The following GLMN variants were observed in gnomAD, a reference collection of about 807,000 sequenced individuals.
GLMN encodes the protein glomulin, FKBP associated protein.
Under a neutral mutation model 87.8 loss-of-function variants are expected in GLMN, and 75 were observed. The ratio of observed to expected loss-of-function variants is 0.85; its 90% CI spans 0.71 to 1.04. The LOEUF (loss-of-function observed/expected upper bound fraction) is 1.04. Ranked by LOEUF, GLMN falls within the 50% of genes least tolerant of loss-of-function variation. The probability of loss-of-function intolerance (pLI) is 0.00; values close to 1 mark genes in which losing one functional copy is unlikely to be tolerated. For missense variants in GLMN, 588 were observed against 658.8 expected, an observed-to-expected ratio of 0.89 and a Z score of 1.18; for synonymous variants, 206 against 221.6, an observed-to-expected ratio of 0.93 and a Z score of 0.63.
the GLMN span, among the ~76,000 whole-genome samples, chr1:92,357,311 C>T: frequency 6.6e-6 from 1 of 151,972 alleles, no homozygotes; most frequent in Non-Finnish European, 1.5e-5. Context: ...AAGAAAAAGG[C>T]ACAAAATATT....
At chr1:92,357,637 T>G in the GLMN span, among the ~76,000 whole-genome samples, 1 of 152,206 alleles carries the variant, frequency 6.6e-6, no homozygotes, top group African/African-American at 2.4e-5. Flanking sequence ...GTTCAAGTGA[T>G]TCTTGTGCCT....
chr1:92,310,686 C>T, the GLMN span, among the ~76,000 whole-genome samples: 1 of 152,100 alleles, frequency 6.6e-6, no homozygotes, highest in Non-Finnish European at 1.5e-5. Flanking sequence ...CACCTGAGGT[C>T]AGGAGTTCAA....
chr1:92,300,132 G>T, upstream of GLMN: 1 of 1,137,460 alleles, frequency 8.8e-7, no homozygotes, highest in Non-Finnish European at 1.3e-6. Flanking sequence ...ACCGCTGTCT[G>T]TATGCTGTCC....
At chr1:92,251,075 T>C (rs1313455727) in intron 16 of GLMN, among the ~76,000 whole-genome samples, 1 of 152,202 alleles carries the variant, frequency 6.6e-6, no homozygotes, top group Non-Finnish European at 1.5e-5. Flanking sequence ...ATTAAAACTC[T>C]TTGTGGCAGA....
At chr1:92,367,252 C>T in the GLMN span, among the ~76,000 whole-genome samples, 1 of 152,318 alleles carries the variant, frequency 6.6e-6, no homozygotes, top group South Asian at 2.1e-4. Flanking sequence ...ACCGTATAGC[C>T]TCCTAAAATA....
the GLMN span, among the ~76,000 whole-genome samples, chr1:92,317,864 C>A: frequency 2.0e-5 from 3 of 152,156 alleles, no homozygotes; most frequent in Admixed American, 6.5e-5. Flanking sequence ...TCATAATTTA[C>A]AGTAATGTTT....
the GLMN span, among the ~76,000 whole-genome samples, chr1:92,348,331 C>G: frequency 2.6e-5 from 4 of 152,380 alleles, no homozygotes; most frequent in Middle Eastern, 0.014. Flanking sequence ...AACTGGACAA[C>G]TAAAATCTTC....
the GLMN span, among the ~76,000 whole-genome samples, chr1:92,349,847 C>T: frequency 1.7e-3 from 266 of 152,232 alleles, 3 homozygotes; most frequent in African/African-American, 5.8e-3. Context: ...AGGATCTCTT[C>T]AGCCCAGGAG....
At position 92,259,780 on chromosome 1, in the gene GLMN, T is replaced by G. The variant is rs1462116395; in HGVS notation, c.1473+3083A>C. Among the ~76,000 whole-genome samples, 163 of 140,184 alleles carry G rather than the reference T, an allele frequency of 1.2e-3. 1 individual carries two copies. The highest frequency in any genetic ancestry group is 4.2e-3 in the African/African-American group (159 of 38,186). The allele number at this position is 140,184 out of a possible 152,430, so 92.0% of individuals were successfully genotyped here. A position where few individuals can be genotyped will look rare whatever the true frequency, so the allele number is the denominator to read the frequency against. On this transcript the variant is annotated intron_variant, in intron 16 of 18. Transcript: ENST00000370360. ...GACAGACTCTTGCTCTGTCACCCAG[T>G]GGGGAGTGCAGTGGCATGATCTCGG... is the stretch of plus-strand genomic sequence containing the variant.
At chr1:92,262,812 C>A (rs1655196724) in intron 16 of GLMN, 51 bp downstream of exon 16, 2 of 791,014 alleles carry the variant, frequency 2.5e-6, no homozygotes, top group South Asian at 1.4e-5. Flanking sequence ...CTGAAACATT[C>A]CTTATGCCTT....
intron 7 of GLMN, among the ~76,000 whole-genome samples, chr1:92,276,323 T>C (rs1014224521): frequency 9.9e-5 from 15 of 152,044 alleles, no homozygotes; most frequent in Non-Finnish European, 2.9e-5. Flanking sequence ...AAACCTATTC[T>C]CTCTCTGGTT....
At chr1:92,335,396 A>G in the GLMN span, among the ~76,000 whole-genome samples, 10 of 152,230 alleles carry the variant, frequency 6.6e-5, no homozygotes, top group African/African-American at 2.4e-4. Context: ...GAAGCTTAAA[A>G]AAATAAAGTA....
chr1:92,351,043 G>A, the GLMN span, among the ~76,000 whole-genome samples: 1 of 152,090 alleles, frequency 6.6e-6, no homozygotes, highest in African/African-American at 2.4e-5. Context: ...GCGGGGTGCA[G>A]TGTCTCACGC....
intron 7 of GLMN, among the ~76,000 whole-genome samples, chr1:92,275,940 G>A (rs186915999): frequency 6.6e-6 from 1 of 152,250 alleles, no homozygotes; most frequent in Admixed American, 6.5e-5. Flanking sequence ...AGTATCTCCT[G>A]GCCAGGTATG....
chr1:92,292,884 T>G (rs187033412), intron 3 of GLMN, among the ~76,000 whole-genome samples: 188 of 151,460 alleles, frequency 1.2e-3, no homozygotes, highest in African/African-American at 4.3e-3. Context: ...ATTAGCTGGG[T>G]CTGGTGGCAC....
At chr1:92,318,348 G>A in the GLMN span, among the ~76,000 whole-genome samples, 1 of 152,178 alleles carries the variant, frequency 6.6e-6, no homozygotes, top group South Asian at 2.1e-4. Context: ...TGGAACTGAG[G>A]CTCAGAGTGG....
At position 92,262,047 on chromosome 1, in the gene GLMN, C is replaced by T. The variant is rs543683691; in HGVS notation, c.1473+816G>A. Reference sequence around the variant, plus strand: ...CTATTTTCAGCTGAAGAGGGATGAACGGGGGTTCAAATCACTGAATCTACT... The same window carrying T: ...CTATTTTCAGCTGAAGAGGGATGAATGGGGGTTCAAATCACTGAATCTACT... On this transcript the variant is annotated intron_variant, in intron 16 of 18. Transcript: ENST00000370360. 2.5e-3 allele frequency among the ~76,000 whole-genome samples: 386 copies of T among 152,086 alleles called. 3 individuals are homozygous for T. The highest frequency in any genetic ancestry group is 9.6e-3 in the South Asian group (46 of 4,810).
At chr1:92,262,353 A>G (rs1240889564) in intron 16 of GLMN, among the ~76,000 whole-genome samples, 1 of 152,192 alleles carries the variant, frequency 6.6e-6, no homozygotes, top group Non-Finnish European at 1.5e-5. Flanking sequence ...TATTTATTGA[A>G]TACTTCTCTA....
rs183813768 is a variant in GLMN, at chr1:92,254,437, G to A, written c.1474-6448C>T. On this transcript the variant is annotated intron_variant, in intron 16 of 18. Transcript: ENST00000370360. ...AGAGAACACCACAAAGATACTCCTC[G>A]GGAAGAGCAACCCCAAGACACATAA... Among the ~76,000 whole-genome samples, 308 of 152,178 alleles carry A rather than the reference G, an allele frequency of 2.0e-3. 4 individuals are homozygous for A. The highest frequency in any genetic ancestry group is 5.8e-3 in the Admixed American group (89 of 15,284).
Sources: gnomAD v4.1 joint callset for allele counts (sites outside exome capture counted in the v4.1 genomes callset) on GRCh38, gnomAD v4.1.1 for gene constraint, MANE v1.5 for transcripts, NCBI Gene and HGNC (gene_info 2026-07-23, HGNC 2026-07-21) for gene names.